The following HS6ST3 variants were observed in gnomAD, a reference collection of about 807,000 sequenced individuals.
The protein encoded by HS6ST3 is heparan-sulfate 6-O-sulfotransferase 3.
In HS6ST3, 12 loss-of-function variants were observed where a neutral mutation model predicts 36.7. The ratio of observed to expected loss-of-function variants is 0.33; its 90% CI spans 0.21 to 0.53. The LOEUF (loss-of-function observed/expected upper bound fraction) is 0.53. Among genes scored for constraint, HS6ST3 ranks in the 20% least tolerant of loss-of-function variants. HS6ST3 has a pLI of 0.95. For synonymous variants in HS6ST3, 240 were observed against 257.5 expected, an observed-to-expected ratio of 0.93 and a Z score of 0.65; for missense variants, 584 against 640.9, an observed-to-expected ratio of 0.91 and a Z score of 0.96.
intron 1 of HS6ST3, among the ~76,000 whole-genome samples, chr13:96,673,605 A>T (rs1387662344): frequency 1.3e-5 from 2 of 152,084 alleles, no homozygotes; most frequent in East Asian, 3.9e-4. Flanking sequence ...CTTTTTAAAG[A>T]ATTCCTCTAG....
intron 1 of HS6ST3, among the ~76,000 whole-genome samples, chr13:96,633,103 A>G (rs2056537463): frequency 6.6e-6 from 1 of 152,182 alleles, no homozygotes; most frequent in Non-Finnish European, 1.5e-5. Context: ...TCACCCCTGC[A>G]GTGAGTGAAA....
chr13:96,231,844 T>C (rs952491368), intron 1 of HS6ST3, among the ~76,000 whole-genome samples: 2 of 152,000 alleles, frequency 1.3e-5, no homozygotes, highest in African/African-American at 4.8e-5. Context: ...CATAGGGGGG[T>C]TAACCTTCTG....
chr13:96,785,283 G>T (rs1163099846), intron 1 of HS6ST3, among the ~76,000 whole-genome samples: 1 of 152,218 alleles, frequency 6.6e-6, no homozygotes, highest in Non-Finnish European at 1.5e-5. Context: ...ACCTATGCTA[G>T]TGAGAAAGGG....
chr13:96,372,076 G>T (rs2055292732), intron 1 of HS6ST3, among the ~76,000 whole-genome samples: 1 of 152,036 alleles, frequency 6.6e-6, no homozygotes, highest in Admixed American at 6.6e-5. Flanking sequence ...TTACATAATG[G>T]CTATATCATT....
At chr13:96,316,304 TGTACAGTGG>T (rs2054969887) in intron 1 of HS6ST3, among the ~76,000 whole-genome samples, 4 of 150,464 alleles carry the variant, frequency 2.7e-5, no homozygotes, top group Non-Finnish European at 5.9e-5. Context: ...TGTGTGTATG[TGTACAGTGG>T]ATGTGTATGA....
intron 1 of HS6ST3, among the ~76,000 whole-genome samples, chr13:96,326,809 T>C (rs2055034538): frequency 6.6e-6 from 1 of 151,680 alleles, no homozygotes; most frequent in Non-Finnish European, 1.5e-5. Context: ...TGTAAAAGTG[T>C]TCCTATTTCT....
chr13:96,380,337 C>T (rs1368193410), intron 1 of HS6ST3, among the ~76,000 whole-genome samples: 3 of 150,130 alleles, frequency 2.0e-5, no homozygotes, highest in African/African-American at 7.4e-5. Flanking sequence ...GGGATATCTG[C>T]TCATTGCTAC....
chr13:96,329,909 T>C (rs2055055523), intron 1 of HS6ST3, among the ~76,000 whole-genome samples: 1 of 148,182 alleles, frequency 6.7e-6, no homozygotes, highest in Non-Finnish European at 1.5e-5. Flanking sequence ...GCTCTTCTTG[T>C]TGAATTGATC....
chr13:96,799,972 ATATATATATGTATATATATATATATG>A (rs1566456806), intron 1 of HS6ST3, among the ~76,000 whole-genome samples: 3,508 of 97,020 alleles, frequency 0.036, 332 homozygotes, highest in African/African-American at 0.15. Context: ...ATGTGTATAT[ATATATATATGTATATATATATATATG>A]TATATATATA....
At chr13:96,353,029 A>G (rs1054982126) in intron 1 of HS6ST3, among the ~76,000 whole-genome samples, 6 of 147,032 alleles carry the variant, frequency 4.1e-5, no homozygotes, top group African/African-American at 1.5e-4. Flanking sequence ...TTGAGTGTTT[A>G]CTAGAGCTAG....
intron 1 of HS6ST3, among the ~76,000 whole-genome samples, chr13:96,613,968 T>A (rs1022705115): frequency 7.2e-5 from 11 of 151,898 alleles, no homozygotes; most frequent in Admixed American, 2.0e-4. Context: ...ATCTGAGGAG[T>A]TCACATTCTG....
chr13:96,756,503 A>C (rs1055406753), intron 1 of HS6ST3, among the ~76,000 whole-genome samples: 7 of 152,336 alleles, frequency 4.6e-5, no homozygotes, highest in African/African-American at 1.7e-4. Context: ...TGTATCCCTT[A>C]TGCATGTTAG....
chr13:96,776,403 C>G (rs1450577451), intron 1 of HS6ST3, among the ~76,000 whole-genome samples: 8 of 152,086 alleles, frequency 5.3e-5, no homozygotes, highest in Non-Finnish European at 1.2e-4. Context: ...AATCCAGGAG[C>G]TGGTTTTTTG....
intron 1 of HS6ST3, among the ~76,000 whole-genome samples, chr13:96,209,646 C>T (rs2054388926): frequency 6.6e-6 from 1 of 152,146 alleles, no homozygotes; most frequent in Non-Finnish European, 1.5e-5. Flanking sequence ...TGACCCCTGC[C>T]ACCTGCCCCA....
chr13:96,138,212 T>C (rs919523487), intron 1 of HS6ST3, among the ~76,000 whole-genome samples: 3 of 152,136 alleles, frequency 2.0e-5, no homozygotes, highest in African/African-American at 7.2e-5. Context: ...ATGAATAGCT[T>C]TACATGTTCA....
At chr13:96,598,869 G>A (rs1275508620) in intron 1 of HS6ST3, among the ~76,000 whole-genome samples, 3 of 151,934 alleles carry the variant, frequency 2.0e-5, no homozygotes, top group Non-Finnish European at 2.9e-5. Flanking sequence ...ATTTTTGAAG[G>A]TTTCTATCAT....
intron 1 of HS6ST3, among the ~76,000 whole-genome samples, chr13:96,706,440 T>TATATATATATATAA (rs1491180585): frequency 2.2e-5 from 3 of 137,590 alleles, no homozygotes; most frequent in African/African-American, 8.5e-5. Context: ...TATATATATA[T>TATATATATATATAA]AATCAGGGAA....
chr13:96,573,998 C>T (rs1000541708), intron 1 of HS6ST3: 6 of 541,520 alleles, frequency 1.1e-5, no homozygotes, highest in Admixed American at 3.9e-5. Flanking sequence ...TCCACAGCCA[C>T]GACTTCCTAG....
At chr13:96,421,059 C>G (rs2055559882) in intron 1 of HS6ST3, among the ~76,000 whole-genome samples, 1 of 152,000 alleles carries the variant, frequency 6.6e-6, no homozygotes, top group South Asian at 2.1e-4. Flanking sequence ...AATATGAGAC[C>G]CCAGTTATGA....
Sources: allele counts gnomAD v4.1 joint callset (sites outside exome capture counted in the v4.1 genomes callset), GRCh38; gene constraint gnomAD v4.1.1; transcripts MANE v1.5; gene names NCBI Gene and HGNC (gene_info 2026-07-23, HGNC 2026-07-21).